The following CPNE5 variants were observed in gnomAD, a reference collection of about 807,000 sequenced individuals.
CPNE5 encodes copine 5, also known as copine-5.
CPNE5 carries 42 observed loss-of-function variants against 81.1 expected under a neutral mutation model. The observed-to-expected ratio is 0.52, with a 90% CI of 0.40 to 0.67. CPNE5 has a LOEUF of 0.67. Among genes scored for constraint, CPNE5 ranks in the 30% least tolerant of loss-of-function variants. The pLI is 0.00. For missense variants in CPNE5, 612 were observed against 815.5 expected (o/e 0.75, Z 3.04); for synonymous variants, 313 against 321.5 (o/e 0.97, Z 0.28).
chr6:36,769,906 G>A (rs1047115805), intron 10 of CPNE5, among the ~76,000 whole-genome samples: 8 of 152,190 alleles, frequency 5.3e-5, no homozygotes, highest in African/African-American at 1.9e-4. Flanking sequence ...GGAAGCTGCG[G>A]TGACTCCTTT....
intron 7 of CPNE5, among the ~76,000 whole-genome samples, chr6:36,794,226 T>C (rs1307899079): frequency 6.8e-6 from 1 of 147,326 alleles, no homozygotes; most frequent in Non-Finnish European, 1.5e-5. Flanking sequence ...AGGGTGGGGA[T>C]TGGGGGCCTA....
chr6:36,778,795 G>T, intron 9 of CPNE5, 59 bp downstream of exon 9: 1 of 1,202,994 alleles, frequency 8.3e-7, no homozygotes, highest in Non-Finnish European at 1.2e-6. Flanking sequence ...CCACCCGTCC[G>T]TCCTTGACCC....
intron 7 of CPNE5, among the ~76,000 whole-genome samples, chr6:36,792,803 G>C (rs1322965754): frequency 3.3e-5 from 5 of 152,112 alleles, no homozygotes; most frequent in Non-Finnish European, 7.4e-5. Flanking sequence ...CTCTTCCCCT[G>C]GTTAGATAGG....
At chr6:36,768,225 C>CTTTTTTTCTTTTCTTTTTTTTTT (rs527797208) in intron 10 of CPNE5, among the ~76,000 whole-genome samples, 1 of 60,496 alleles carries the variant, frequency 1.7e-5, no homozygotes, top group East Asian at 5.8e-4. Context: ...ATTCACAGTT[C>CTTTTTTTCTTTTCTTTTTTTTTT]TTTTTTTTTT....
intron 19 of CPNE5, 21 bp from the exon 20 acceptor site, chr6:36,743,783 T>C (rs1763801178): frequency 1.2e-6 from 2 of 1,604,546 alleles, no homozygotes; most frequent in South Asian, 1.1e-5. Flanking sequence ...AGGAGTGTCA[T>C]GGGGCGGGGT....
intron 17 of CPNE5, 26 bp downstream of exon 17, chr6:36,745,362 C>T (rs1335555010): frequency 6.3e-7 from 1 of 1,597,142 alleles, no homozygotes. Flanking sequence ...TTGTGAGTGC[C>T]TGGAGGCGGT....
chr6:36,788,559 C>T (rs943715779), intron 8 of CPNE5, among the ~76,000 whole-genome samples: 2 of 147,088 alleles, frequency 1.4e-5, no homozygotes, highest in East Asian at 2.2e-4. Flanking sequence ...CACCCAGCCC[C>T]CCAGCCTTGC....
At chr6:36,761,179 G>A (rs893476121) in intron 12 of CPNE5, among the ~76,000 whole-genome samples, 2 of 152,232 alleles carry the variant, frequency 1.3e-5, no homozygotes, top group Non-Finnish European at 2.9e-5. Context: ...AAGGAGGCCA[G>A]AGAATGGTGG....
At chr6:36,782,868 C>CACACACACACACACAA (rs1250161980) in intron 8 of CPNE5, among the ~76,000 whole-genome samples, 1 of 142,092 alleles carries the variant, frequency 7.0e-6, no homozygotes, top group African/African-American at 2.6e-5. Context: ...CACACACACA[C>CACACACACACACACAA]AAAACGGCAC....
At chr6:36,836,658 C>T (rs1326811332) in intron 1 of CPNE5, among the ~76,000 whole-genome samples, 3 of 152,154 alleles carry the variant, frequency 2.0e-5, no homozygotes, top group Non-Finnish European at 4.4e-5. Flanking sequence ...AGGGACTTGA[C>T]TTTAACTGGC....
At chr6:36,820,708 G>A (rs780729258) in intron 3 of CPNE5, among the ~76,000 whole-genome samples, 29 of 151,820 alleles carry the variant, frequency 1.9e-4, no homozygotes, top group Non-Finnish European at 2.4e-4. Context: ...GGGAGGCAAA[G>A]GCAGGAGGAT....
chr6:36,826,987 G>A (rs952843964), intron 1 of CPNE5, among the ~76,000 whole-genome samples: 7 of 152,164 alleles, frequency 4.6e-5, no homozygotes, highest in Non-Finnish European at 2.9e-5. Context: ...CAGGTCAGCT[G>A]TCGTTGGCCC....
intron 3 of CPNE5, among the ~76,000 whole-genome samples, chr6:36,814,177 C>A (rs539642828): frequency 6.6e-6 from 1 of 152,054 alleles, no homozygotes; most frequent in African/African-American, 2.4e-5. Context: ...GAACGGCCTA[C>A]CCCAAAGGTC....
intron 12 of CPNE5, among the ~76,000 whole-genome samples, chr6:36,757,711 G>T (rs1765621928): frequency 6.6e-6 from 1 of 152,204 alleles, no homozygotes; most frequent in African/African-American, 2.4e-5. Context: ...AGTGTCAGGG[G>T]AGTTAGAGGA....
chr6:36,768,225 C>CTTTTTTTTTTTTTTTT lies in CPNE5; in HGVS notation c.738-2865_738-2850dup, dbSNP rs10586762. Among the ~76,000 whole-genome samples, 88 of 60,508 alleles carry CTTTTTTTTTTTTTTTT rather than the reference C, an allele frequency of 1.5e-3. 10 individuals are homozygous for CTTTTTTTTTTTTTTTT. Among genetic ancestry groups the CTTTTTTTTTTTTTTTT allele is most frequent in the South Asian group, 2.6e-3 (4 of 1,524 alleles). The allele number at this position is 60,508 out of a possible 152,430, so 39.7% of individuals were successfully genotyped here. ...GGCTTTGACTACTCTATTCACAGTTCTTTTTTTTTTTTTTTTTTTTTTTTT... is the reference window on the plus strand; with the variant it reads ...GGCTTTGACTACTCTATTCACAGTTCTTTTTTTTTTTTTTTTTTTTTTTTTTTTTTTTTTTTTTTTT... On this transcript the variant is annotated intron_variant, in intron 10 of 20. Transcript: ENST00000244751.
chr6:36,822,285 T>C, intron 2 of CPNE5, 125 bp from the exon 3 acceptor site: 1 of 657,260 alleles, frequency 1.5e-6, no homozygotes, highest in Non-Finnish European at 2.4e-6. Flanking sequence ...CTGTTGGATC[T>C]GGGTAGGGGT....
chr6:36,742,133 C>T lies in CPNE5; in HGVS notation c.*135G>A. 1.5e-6 allele frequency: 1 copy of T among 657,770 alleles called. No individual in the cohort carries two copies. Among genetic ancestry groups the T allele is most frequent in the African/African-American group, 1.8e-5 (1 of 54,770 alleles). 40.7% of individuals were successfully genotyped at this position (657,770 alleles called of 1,614,324 possible). ...AAATTGAGGAGGGGTCTTCAGAAGC[C>T]CCACCCCCTGGCAGCCTCCCAGGCA... is the stretch of plus-strand genomic sequence containing the variant. On this transcript the variant is annotated 3_prime_UTR_variant, in exon 21 of 21. Transcript: ENST00000244751.
intron 3 of CPNE5, among the ~76,000 whole-genome samples, chr6:36,817,592 T>C (rs1457513761): frequency 2.0e-5 from 3 of 152,158 alleles, no homozygotes; most frequent in Admixed American, 1.3e-4. Context: ...ACACCAGCCA[T>C]GCTCCTCTGT....
chr6:36,813,981 C>T (rs755742910), intron 3 of CPNE5, among the ~76,000 whole-genome samples: 8 of 152,150 alleles, frequency 5.3e-5, no homozygotes, highest in Non-Finnish European at 1.0e-4. Context: ...CCCTTTTTAT[C>T]GATTAGTAAG....
Sources: allele counts gnomAD v4.1 joint callset (sites outside exome capture counted in the v4.1 genomes callset), GRCh38; gene constraint gnomAD v4.1.1; transcripts MANE v1.5; gene names NCBI Gene and HGNC (gene_info 2026-07-23, HGNC 2026-07-21).